SEMA4A: variants seen among roughly 807,000 people sequenced by gnomAD.
SEMA4A encodes the protein semaphorin-4A.
Under a neutral mutation model 72.5 loss-of-function variants are expected in SEMA4A, and 52 were observed. That is an observed-to-expected ratio of 0.72 (90% confidence interval 0.57 to 0.90). The LOEUF is 0.90. SEMA4A is among the 40% of genes least tolerant of loss of function. The pLI, the probability that SEMA4A is intolerant of heterozygous loss-of-function variation, is 0.00. For missense variants in SEMA4A, 926 were observed against 959.7 expected (o/e 0.96, Z 0.46); for synonymous variants, 369 against 393.1 (o/e 0.94, Z 0.73).
chr1:156,158,074 C>A lies in SEMA4A; in HGVS notation c.305C>A (p.Pro102Gln). The A allele has an allele frequency of 6.2e-7, 1 of 1,614,018 alleles. No individual in the cohort carries two copies. The highest frequency in any genetic ancestry group is 8.5e-7 in the Non-Finnish European group (1 of 1,179,996). The change falls in exon 4 of 15, where the codon CCG becomes CAG. Residue 102 changes from proline to glutamine, a missense_variant. Pro to Gln is a moderately conservative substitution (Grantham distance 76). Coordinates refer to ENST00000368285, the MANE Select transcript of SEMA4A (RefSeq NM_022367.4). ...PGVPRLKNMI[P>Q]WPASDRKKSE... Reference sequence around the variant, plus strand: ...CTCCCAACTCCCCACTTTCAGATACCGTGGCCAGCCAGTGACAGAAAAAAG... The same window carrying A: ...CTCCCAACTCCCCACTTTCAGATACAGTGGCCAGCCAGTGACAGAAAAAAG...
chr1:156,175,686 T>C (rs1363231345), intron 14 of SEMA4A, 30 bp downstream of exon 14: 4 of 1,510,342 alleles, frequency 2.6e-6, no homozygotes, highest in Non-Finnish European at 3.6e-6. Context: ...CCAGGGGAGG[T>C]GCAAAGGCTC....
intron 2 of SEMA4A, 163 bp from the exon 3 acceptor site, chr1:156,156,251 G>A (rs1653011834): frequency 4.3e-6 from 3 of 696,130 alleles, no homozygotes; most frequent in East Asian, 2.8e-5. Flanking sequence ...CTTGTGTTGG[G>A]GTGGGGTGAA....
chr1:156,158,013 G>A, intron 3 of SEMA4A, 57 bp from the exon 4 acceptor site: 1 of 1,571,344 alleles, frequency 6.4e-7, no homozygotes, highest in Non-Finnish European at 8.7e-7. Flanking sequence ...GCAGGTCACA[G>A]CTAGAACTGA....
chr1:156,172,739 G>T, intron 10 of SEMA4A, 87 bp from the exon 11 acceptor site: 1 of 1,228,344 alleles, frequency 8.1e-7, no homozygotes. Context: ...ATGAGGGAGG[G>T]GGTAAAGGGA....
At chr1:156,175,374 G>T in intron 13 of SEMA4A, 131 bp downstream of exon 13, 1 of 1,246,002 alleles carries the variant, frequency 8.0e-7, no homozygotes, top group Non-Finnish European at 1.2e-6. Flanking sequence ...TCCTGCAGTG[G>T]GTTCCTCCAG....
rs762518752 is a variant in SEMA4A, at chr1:156,162,927, C to T, written c.984-17C>T. On this transcript the variant is annotated splice_polypyrimidine_tract_variant and intron_variant, in intron 9 of 14. Coordinates refer to ENST00000368285, the MANE Select transcript of SEMA4A (RefSeq NM_022367.4). ...GTGGCAGAGACCACAGACAATGTTC[C>T]CTCTGGCTGTCTCCAGGCAGGTTGG... 1 of 1,613,130 alleles carries T rather than the reference C, an allele frequency of 6.2e-7. No homozygotes were observed. The highest frequency in any genetic ancestry group is 1.7e-5 in the Admixed American group (1 of 60,032).
chr1:156,163,078 A>G lies in SEMA4A; in HGVS notation c.1118A>G (p.Asn373Ser), dbSNP rs755139899. Residue 373 changes from asparagine (N) to serine (S), a missense_variant, in exon 10 of 15, where the codon AAC becomes AGC. Coordinates refer to ENST00000368285, the MANE Select transcript of SEMA4A (RefSeq NM_022367.4). ...RWTTYRGPET[N>S]PRPGSCSVGP... ...ACTACTTATAGGGGCCCTGAGACCA[A>G]CCCCCGGCCAGGCAGTGTGAGTACT... The G allele has an allele frequency of 6.2e-7, 1 of 1,613,950 alleles. No homozygotes were observed. Among genetic ancestry groups the G allele is most frequent in the Admixed American group, 1.7e-5 (1 of 59,980 alleles).
chr1:156,173,447 C>A (rs556453266), intron 11 of SEMA4A, among the ~76,000 whole-genome samples: 3 of 151,980 alleles, frequency 2.0e-5, no homozygotes, highest in Admixed American at 2.0e-4. Context: ...CCCCTCCTTG[C>A]CCCCAGGGTT....
intron 11 of SEMA4A, among the ~76,000 whole-genome samples, chr1:156,174,175 C>T (rs1331172727): frequency 6.6e-6 from 1 of 151,864 alleles, no homozygotes; most frequent in Non-Finnish European, 1.5e-5. Context: ...AGCAAGACTG[C>T]CCAGGCAGAC....
chr1:156,161,624 G>T, intron 9 of SEMA4A, 106 bp downstream of exon 9: 1 of 1,220,632 alleles, frequency 8.2e-7, no homozygotes, highest in Non-Finnish European at 1.2e-6. Context: ...CACCTACTCA[G>T]CACTTTCACA....
In SEMA4A at chr1:156,176,689, C is replaced by G; in HGVS notation, c.1978C>G (p.His660Asp). 1 of 1,614,122 alleles carries G rather than the reference C, an allele frequency of 6.2e-7. No homozygotes were observed. Among genetic ancestry groups the G allele is most frequent in the Non-Finnish European group, 8.5e-7 (1 of 1,179,960 alleles). ...TGAACTGGCAGGCATCCCCCGGGAGCATGTGAAGGTCCCGTTGACCAGGGT... is the reference window on the plus strand; with the variant it reads ...TGAACTGGCAGGCATCCCCCGGGAGGATGTGAAGGTCCCGTTGACCAGGGT... ...DPELAGIPRE[H>D]VKVPLTRVSG... is the part of the protein sequence containing the mutation. The change falls in exon 15 of 15, where the codon CAT becomes GAT. Residue 660 changes from histidine to aspartate, a missense_variant. Coordinates refer to ENST00000368285, the MANE Select transcript of SEMA4A (RefSeq NM_022367.4).
chr1:156,166,669 C>T (rs909308759), intron 10 of SEMA4A, among the ~76,000 whole-genome samples: 2 of 152,180 alleles, frequency 1.3e-5, no homozygotes. Flanking sequence ...TGGCTGACAC[C>T]TGTAATCTCA....
intron 10 of SEMA4A, among the ~76,000 whole-genome samples, chr1:156,165,993 A>G (rs1213320753): frequency 1.6e-5 from 2 of 128,894 alleles, no homozygotes; most frequent in Admixed American, 1.8e-4. Flanking sequence ...TACAACCTCC[A>G]CCTCCCAGGT....
intron 14 of SEMA4A, 94 bp downstream of exon 14, chr1:156,175,750 A>G: frequency 1.1e-6 from 1 of 897,336 alleles, no homozygotes; most frequent in Admixed American, 2.0e-5. Flanking sequence ...CTCCCCCAGC[A>G]CCTGCCTGGC....
At chr1:156,165,240 T>G (rs1654048391) in intron 10 of SEMA4A, among the ~76,000 whole-genome samples, 1 of 152,168 alleles carries the variant, frequency 6.6e-6, no homozygotes, top group African/African-American at 2.4e-5. Flanking sequence ...TAGTGCCGTC[T>G]ACTCCCGGAG....
chr1:156,164,046 A>G (rs1653933671), intron 10 of SEMA4A, among the ~76,000 whole-genome samples: 2 of 125,982 alleles, frequency 1.6e-5, no homozygotes, highest in African/African-American at 3.1e-5. Flanking sequence ...AAGTTTTTAA[A>G]TGAAAAAAAA....
In SEMA4A at chr1:156,156,478, C is replaced by G; in HGVS notation, c.204C>G (p.Leu68=). Residue 68 remains leucine (L), a synonymous_variant, in exon 3 of 15, where the codon CTC becomes CTG. Coordinates refer to ENST00000368285, the MANE Select transcript of SEMA4A (RefSeq NM_022367.4). Reference sequence around the variant, plus strand: ...GCCTCCAGGATTTTGACACTCTGCTCCTGAGTGGTGATGGAAATACTCTCT... The same window carrying G: ...GCCTCCAGGATTTTGACACTCTGCTGCTGAGTGGTGATGGAAATACTCTCT... ...QKGLQDFDTL[L]LSGDGNTLYV... 1 of 1,614,094 alleles carries G rather than the reference C, an allele frequency of 6.2e-7. No individual in the cohort carries two copies. The highest frequency in any genetic ancestry group is 8.5e-7 in the Non-Finnish European group (1 of 1,179,966).
chr1:156,176,464 G>T lies in SEMA4A; in HGVS notation c.1753G>T (p.Ala585Ser), dbSNP rs760471372. ...GGAGCTCCCCTGCCCCCACCTGTCA[G>T]CCTTGGCCTCTTATTATTGGAGTCA... ...ILELPCPHLS[A>S]LASYYWSHGP... Residue 585 changes from alanine (A) to serine (S), a missense_variant, in exon 15 of 15, where the codon GCC (alanine) becomes TCC (serine). Physicochemically the swap from Ala to Ser is moderately conservative, Grantham distance 99. Transcript: ENST00000368285. The T allele has an allele frequency of 6.8e-6, 11 of 1,614,014 alleles. No homozygotes were observed. The highest frequency in any genetic ancestry group is 8.5e-6 in the Non-Finnish European group (10 of 1,180,036).
rs767191034 is a variant in SEMA4A, at chr1:156,158,485, T to C, written c.461T>C (p.Ile154Thr). The C allele has an allele frequency of 8.1e-6, 13 of 1,610,136 alleles. No homozygotes were observed. Among genetic ancestry groups the C allele is most frequent in the Non-Finnish European group, 1.0e-5 (12 of 1,176,434 alleles). The change falls in exon 5 of 15, where the codon ATT (isoleucine) becomes ACT (threonine). Residue 154 changes from isoleucine (I) to threonine (T), a missense_variant and splice_region_variant. Physicochemically the swap from Ile to Thr is moderately conservative, Grantham distance 89. Transcript: ENST00000368285. ...GCCTTCAGCCCTGCTTGTACCTTCA[T>C]TGTGAGTTCTCTGGTGCCCAGCGCT... is the stretch of plus-strand genomic sequence containing the variant. The part of the protein sequence containing the change: ...TFAFSPACTF[I>T]ELQDSYLLPI...
Sources: allele counts gnomAD v4.1 joint callset (sites outside exome capture counted in the v4.1 genomes callset), GRCh38; gene constraint gnomAD v4.1.1; transcripts MANE v1.5; gene names NCBI Gene and HGNC (gene_info 2026-07-23, HGNC 2026-07-21).